CECR2: variants seen among roughly 807,000 people sequenced by gnomAD.
The protein encoded by CECR2 is chromatin remodeling regulator CECR2.
Under a neutral mutation model 154.5 loss-of-function variants are expected in CECR2, and 30 were observed. The observed-to-expected ratio is 0.19, with a 90% confidence interval of 0.15 to 0.26. The LOEUF is 0.26. CECR2 is among the 10% of genes least tolerant of loss of function. The pLI, the probability that CECR2 is intolerant of heterozygous loss-of-function variation, is 1.00. For missense variants in CECR2, 1,743 were observed against 1,829.3 expected (o/e 0.95, Z 0.86); for synonymous variants, 725 against 683.7 (o/e 1.06, Z -0.94).
chr22:17,441,109 C>T (rs944307945), intron 1 of CECR2, among the ~76,000 whole-genome samples: 2 of 151,984 alleles, frequency 1.3e-5, no homozygotes, highest in Admixed American at 6.6e-5. Flanking sequence ...CCACCACGCC[C>T]GGCTAATTTT....
At chr22:17,516,720 G>A (rs1989564) in intron 8 of CECR2, among the ~76,000 whole-genome samples, 47,954 of 151,946 alleles carry the variant, frequency 0.32, 8,557 homozygotes, top group East Asian at 0.48. Context: ...TCAGCCTCAC[G>A]AGTAGCTGGG....
intron 2 of CECR2, among the ~76,000 whole-genome samples, chr22:17,479,339 A>T (rs1438327657): frequency 1.3e-5 from 2 of 152,200 alleles, no homozygotes; most frequent in Non-Finnish European, 2.9e-5. Context: ...ACTAGTAGGT[A>T]CTGGCAGCAC....
intron 1 of CECR2, among the ~76,000 whole-genome samples, chr22:17,363,634 T>A (rs2062987853): frequency 5.9e-5 from 9 of 152,084 alleles, no homozygotes; most frequent in Admixed American, 5.9e-4. Context: ...TGAGCCACCA[T>A]ACCTGGCCTA....
intron 7 of CECR2, among the ~76,000 whole-genome samples, chr22:17,510,857 G>A (rs1266221830): frequency 2.6e-5 from 4 of 152,178 alleles, no homozygotes; most frequent in Non-Finnish European, 4.4e-5. Context: ...CGCTCACCTC[G>A]GCCTCCCAAA....
At chr22:17,505,133 C>G in intron 7 of CECR2, 117 bp downstream of exon 7, 1 of 1,001,130 alleles carries the variant, frequency 1.0e-6, no homozygotes, top group Non-Finnish European at 1.4e-6. Flanking sequence ...GTGCAGTCTT[C>G]CATCCTGTCT....
At chr22:17,527,277 G>A (rs1036219936) in intron 9 of CECR2, among the ~76,000 whole-genome samples, 3 of 151,956 alleles carry the variant, frequency 2.0e-5, no homozygotes, top group African/African-American at 4.8e-5. Flanking sequence ...CGGCAACACG[G>A]TAAAACCCCA....
rs932992168 is a variant in CECR2, at chr22:17,523,692, C to G, written c.955-426C>G. On this transcript the variant is annotated intron_variant, in intron 8 of 18. Transcript: ENST00000262608. Reference sequence around the variant, plus strand: ...AATGGCGTGAACCCGGGAGGCAGAGCTTGCAGTGAGCCAAGATCGCACCAC... The same window carrying G: ...AATGGCGTGAACCCGGGAGGCAGAGGTTGCAGTGAGCCAAGATCGCACCAC... Among the ~76,000 whole-genome samples, 45 of 145,362 alleles carry G rather than the reference C, an allele frequency of 3.1e-4. 1 individual carries two copies. The highest frequency in any genetic ancestry group is 6.3e-4 in the Non-Finnish European group (42 of 67,060).
chr22:17,554,319 G>A lies in CECR2; in HGVS notation c.*1479G>A, dbSNP rs527916947. ...TAGCATATTTTTAAGCATGCTTTTG[G>A]GATAGTAGAAGAGTCTCTATGAAAT... On this transcript the variant is annotated 3_prime_UTR_variant, in exon 19 of 19. Transcript: ENST00000262608. The A allele has an allele frequency of 6.6e-6, 1 of 152,240 alleles. No homozygotes were observed. The highest frequency in any genetic ancestry group is 2.1e-4 in the South Asian group (1 of 4,822). 9.4% of individuals were successfully genotyped at this position (152,240 alleles called of 1,614,324 possible).
intron 16 of CECR2, among the ~76,000 whole-genome samples, chr22:17,543,337 T>C (rs896691291): frequency 6.6e-6 from 1 of 151,796 alleles, no homozygotes; most frequent in Non-Finnish European, 1.5e-5. Flanking sequence ...GGTTTCACCG[T>C]GTTAGCCAGG....
At chr22:17,442,732 A>T (rs917745420) in intron 1 of CECR2, among the ~76,000 whole-genome samples, 5 of 152,066 alleles carry the variant, frequency 3.3e-5, no homozygotes, top group Non-Finnish European at 7.4e-5. Context: ...TATTTTTAGT[A>T]GAGACGGGGT....
chr22:17,508,492 C>T (rs1036600910), intron 7 of CECR2, among the ~76,000 whole-genome samples: 1 of 152,086 alleles, frequency 6.6e-6, no homozygotes, highest in Non-Finnish European at 1.5e-5. Flanking sequence ...AAGTAGTAGG[C>T]TACACCACCT....
At chr22:17,404,279 C>CCCA (rs2053942596) in intron 1 of CECR2, among the ~76,000 whole-genome samples, 7 of 62,856 alleles carry the variant, frequency 1.1e-4, no homozygotes, top group Admixed American at 2.5e-4. Flanking sequence ...ACCCCCCTGC[C>CCCA]AAAAAAAAAA....
chr22:17,535,145 C>G (rs2056419068), intron 9 of CECR2, among the ~76,000 whole-genome samples: 1 of 151,404 alleles, frequency 6.6e-6, no homozygotes, highest in Admixed American at 6.6e-5. Context: ...AGTGAGACTC[C>G]ATCTCAAAAC....
At chr22:17,530,299 ACATGACTG>A (rs2146986208) in intron 9 of CECR2, among the ~76,000 whole-genome samples, 1 of 151,544 alleles carries the variant, frequency 6.6e-6, no homozygotes, top group African/African-American at 2.4e-5. Context: ...CGCGCCCGGC[ACATGACTG>A]CATACTTTCA....
chr22:17,503,436 G>A (rs1355899300), intron 6 of CECR2, among the ~76,000 whole-genome samples: 1 of 152,152 alleles, frequency 6.6e-6, no homozygotes, highest in African/African-American at 2.4e-5. Context: ...TTTAATGTCA[G>A]TGCTTCATGA....
Position 17,477,740 on chromosome 22 carries a change from T to C in CECR2, c.221+58T>C. The C allele has an allele frequency of 1.6e-5, 20 of 1,213,026 alleles. No individual in the cohort carries two copies. The South Asian group carries it at 2.4e-4, about 15-fold the overall frequency. The allele number at this position is 1,213,026 out of a possible 1,614,324, so 75.1% of individuals were successfully genotyped here. A position where few individuals can be genotyped will look rare whatever the true frequency, so the allele number is the denominator to read the frequency against. ...GCGCCAAGAACTAATTAACCAACCATAGTGATGTTTCCTGTCTCCTGTGAC... is the reference window on the plus strand; with the variant it reads ...GCGCCAAGAACTAATTAACCAACCACAGTGATGTTTCCTGTCTCCTGTGAC... On this transcript the variant is annotated intron_variant, in intron 2 of 18. Coordinates refer to ENST00000262608, the MANE Select transcript of CECR2 (RefSeq NM_001290047.2).
intron 9 of CECR2, among the ~76,000 whole-genome samples, chr22:17,535,810 G>A (rs1289316301): frequency 6.6e-6 from 1 of 151,954 alleles, no homozygotes; most frequent in Admixed American, 6.6e-5. Context: ...GATTAAAGGA[G>A]ATATAGATTA....
At chr22:17,519,549 T>C (rs2056120641) in intron 8 of CECR2, among the ~76,000 whole-genome samples, 1 of 152,142 alleles carries the variant, frequency 6.6e-6, no homozygotes. Context: ...TGGGCCACCA[T>C]GCCCGGCCCC....
At chr22:17,498,391 TAAA>T (rs11376543) in intron 3 of CECR2, among the ~76,000 whole-genome samples, 8 of 145,736 alleles carry the variant, frequency 5.5e-5, no homozygotes, top group African/African-American at 2.0e-4. Flanking sequence ...ACTCCGTCTT[TAAA>T]AAAAAAAAAA....
Sources: allele counts gnomAD v4.1 joint callset (sites outside exome capture counted in the v4.1 genomes callset), GRCh38; gene constraint gnomAD v4.1.1; transcripts MANE v1.5; gene names NCBI Gene and HGNC (gene_info 2026-07-23, HGNC 2026-07-21).